The following CSMD3 variants were observed in gnomAD, a reference collection of about 807,000 sequenced individuals.
CSMD3 encodes CUB and Sushi multiple domains 3, also known as CUB and sushi domain-containing protein 3.
In CSMD3, 177 loss-of-function variants were observed where a neutral mutation model predicts 435.2. The observed-to-expected ratio is 0.41, with a 90% CI of 0.36 to 0.46. The LOEUF (loss-of-function observed/expected upper bound fraction) is 0.46. CSMD3 is among the 20% of genes least tolerant of loss of function. CSMD3 has a pLI of 0.34. For missense variants in CSMD3, 4,265 were observed against 4,504.6 expected (o/e 0.95, Z 1.52); for synonymous variants, 1,656 against 1,520.5 (o/e 1.09, Z -2.07).
intron 6 of CSMD3, among the ~76,000 whole-genome samples, chr8:113,002,991 G>A (rs1276815737): frequency 6.6e-6 from 1 of 152,086 alleles, no homozygotes; most frequent in Non-Finnish European, 1.5e-5. Flanking sequence ...TGTAATCCCA[G>A]CACTTTGGGA....
At chr8:112,415,512 C>T (rs562007422) in intron 32 of CSMD3, among the ~76,000 whole-genome samples, 13 of 152,274 alleles carry the variant, frequency 8.5e-5, no homozygotes, top group Non-Finnish European at 1.0e-4. Context: ...AAGGGAAATA[C>T]GGGATCAGAG....
chr8:113,285,826 AATGC>A (rs2093642885), intron 2 of CSMD3, among the ~76,000 whole-genome samples: 1 of 152,186 alleles, frequency 6.6e-6, no homozygotes, highest in African/African-American at 2.4e-5. Flanking sequence ...GTCTTTCAAA[AATGC>A]ATGTAAACTC....
intron 32 of CSMD3, among the ~76,000 whole-genome samples, chr8:112,424,380 A>G (rs1812835028): frequency 6.6e-6 from 1 of 152,220 alleles, no homozygotes; most frequent in African/African-American, 2.4e-5. Context: ...TATCATTATC[A>G]GTAAAAGAAA....
intron 22 of CSMD3, among the ~76,000 whole-genome samples, chr8:112,596,241 A>C (rs965235375): frequency 5.9e-5 from 9 of 152,048 alleles, no homozygotes; most frequent in Non-Finnish European, 1.2e-4. Context: ...ACAGACTTTA[A>C]ACCAACAAAG....
chr8:113,062,032 A>G (rs774268540), intron 5 of CSMD3, among the ~76,000 whole-genome samples: 45 of 132,130 alleles, frequency 3.4e-4, no homozygotes, highest in Middle Eastern at 8.5e-3. Flanking sequence ...GAAAACTCTT[A>G]ATTTGTCTAT....
intron 4 of CSMD3, among the ~76,000 whole-genome samples, chr8:113,102,818 C>T (rs1436613294): frequency 1.3e-5 from 2 of 152,064 alleles, no homozygotes; most frequent in African/African-American, 4.8e-5. Context: ...CCTTGCAGGA[C>T]ATTTCTGACA....
chr8:113,252,988 A>G (rs1002203763), intron 3 of CSMD3, among the ~76,000 whole-genome samples: 1 of 152,212 alleles, frequency 6.6e-6, no homozygotes, highest in Non-Finnish European at 1.5e-5. Flanking sequence ...GACTAGGTAC[A>G]GGACAGAATT....
chr8:112,893,083 A>G (rs975447557), intron 10 of CSMD3, among the ~76,000 whole-genome samples: 1 of 150,988 alleles, frequency 6.6e-6, no homozygotes, highest in African/African-American at 2.4e-5. Flanking sequence ...AACAACAACT[A>G]CTACTACTAC....
chr8:113,113,687 G>C (rs546081465), intron 4 of CSMD3, among the ~76,000 whole-genome samples: 1 of 152,214 alleles, frequency 6.6e-6, no homozygotes, highest in African/African-American at 2.4e-5. Flanking sequence ...GAAAGTAAAA[G>C]TTCTCTATGT....
chr8:112,911,325 T>C lies in CSMD3; in HGVS notation c.1633+10302A>G, dbSNP rs183486836. 2.9e-3 allele frequency among the ~76,000 whole-genome samples: 438 copies of C among 152,074 alleles called. 4 individuals carry two copies. The highest frequency in any genetic ancestry group is 1.0e-2 in the African/African-American group (414 of 41,544). ...AAAATGTATATATGATATTTTGATA[T>C]TTGTCTACTTGTGAAAAATTAAATC... On this transcript the variant is annotated intron_variant, in intron 10 of 70. Coordinates refer to ENST00000297405, the MANE Select transcript of CSMD3 (RefSeq NM_198123.2).
rs561855467 is a variant in CSMD3, at chr8:113,114,144, CA to C, written c.710-15182del. 3.7e-3 allele frequency among the ~76,000 whole-genome samples: 555 copies of C among 151,686 alleles called. 5 individuals carry two copies. Among genetic ancestry groups the C allele is most frequent in the African/African-American group, 0.013 (520 of 41,388 alleles). On this transcript the variant is annotated intron_variant, in intron 4 of 70. Transcript: ENST00000297405. ...TAATCAAATTATTTCACAAGAAAGA[CA>C]AAAAAAGATATCTAAAGAATGAGTT...
chr8:112,808,780 T>A (rs532785800), intron 12 of CSMD3, among the ~76,000 whole-genome samples: 1 of 151,950 alleles, frequency 6.6e-6, no homozygotes, highest in African/African-American at 2.4e-5. Context: ...TAACAGAAAA[T>A]CTAGCCCCTT....
At chr8:112,270,214 C>A (rs143950660) in intron 59 of CSMD3, among the ~76,000 whole-genome samples, 116 of 152,124 alleles carry the variant, frequency 7.6e-4, no homozygotes, top group African/African-American at 2.7e-3. Context: ...GGATTGGAGA[C>A]CTTACCATTA....
chr8:112,738,498 C>G (rs937941530), intron 13 of CSMD3, among the ~76,000 whole-genome samples: 2 of 151,686 alleles, frequency 1.3e-5, no homozygotes, highest in Non-Finnish European at 3.0e-5. Flanking sequence ...TTTTATAAAT[C>G]TTTCAAAAGA....
intron 70 of CSMD3, among the ~76,000 whole-genome samples, chr8:112,227,859 G>A (rs1023570395): frequency 4.6e-5 from 7 of 151,980 alleles, no homozygotes; most frequent in Admixed American, 1.3e-4. Context: ...TGGCTAACAC[G>A]GTGAAACCCC....
At chr8:112,998,302 T>C (rs1424990104) in intron 6 of CSMD3, among the ~76,000 whole-genome samples, 2 of 151,862 alleles carry the variant, frequency 1.3e-5, no homozygotes, top group Non-Finnish European at 2.9e-5. Context: ...CCAAACATAA[T>C]CTACCTACTT....
At chr8:112,842,084 A>C (rs907494224) in intron 11 of CSMD3, among the ~76,000 whole-genome samples, 1 of 151,778 alleles carries the variant, frequency 6.6e-6, no homozygotes, top group Non-Finnish European at 1.5e-5. Context: ...ACACAGGTAT[A>C]ATATCACATT....
intron 38 of CSMD3, among the ~76,000 whole-genome samples, chr8:112,356,753 G>A (rs892576781): frequency 6.6e-6 from 1 of 151,958 alleles, no homozygotes; most frequent in African/African-American, 2.4e-5. Flanking sequence ...TTAAAAAGAG[G>A]AGTTCCCCTG....
At chr8:113,291,523 T>TA (rs1434898696) in intron 2 of CSMD3, among the ~76,000 whole-genome samples, 2 of 151,842 alleles carry the variant, frequency 1.3e-5, no homozygotes, top group Non-Finnish European at 2.9e-5. Context: ...ATGGAAGAAA[T>TA]AAAAAATACT....
Sources: gnomAD v4.1 joint callset for allele counts (sites outside exome capture counted in the v4.1 genomes callset) on GRCh38, gnomAD v4.1.1 for gene constraint, MANE v1.5 for transcripts, NCBI Gene and HGNC (gene_info 2026-07-23, HGNC 2026-07-21) for gene names.